Variants in WDR33 observed in about 807,000 individuals in gnomAD.
WDR33 encodes the protein pre-mRNA 3' end processing protein WDR33.
A neutral mutation model predicts 164.9 loss-of-function variants in WDR33; 47 were observed. The observed-to-expected ratio is 0.29, with a 90% CI of 0.23 to 0.36. The LOEUF (loss-of-function observed/expected upper bound fraction) is 0.36. Ranked by LOEUF, WDR33 falls within the 10% of genes least tolerant of loss-of-function variation. WDR33 has a pLI of 1.00. For synonymous variants in WDR33, 505 were observed against 589.0 expected (o/e 0.86, Z 2.06); for missense variants, 1,137 against 1,754.1 (o/e 0.65, Z 6.28).
intron 7 of WDR33, among the ~76,000 whole-genome samples, chr2:127,744,495 C>T (rs924348404): frequency 2.0e-5 from 3 of 152,060 alleles, no homozygotes; most frequent in Non-Finnish European, 4.4e-5. Flanking sequence ...GTATAATCTC[C>T]TTTCATGTAG....
intron 1 of WDR33, among the ~76,000 whole-genome samples, chr2:127,775,206 T>G (rs2105451000): frequency 1.3e-5 from 2 of 152,332 alleles, no homozygotes; most frequent in Admixed American, 1.3e-4. Context: ...AATTTTTTTT[T>G]GAGACGGAGT....
Position 127,764,468 on chromosome 2 carries a change from C to A in WDR33, c.626+360G>T. 1 of 1,463,960 alleles carries A rather than the reference C, an allele frequency of 6.8e-7. No individual in the cohort carries two copies. Among genetic ancestry groups the A allele is most frequent in the South Asian group, 1.5e-5 (1 of 66,026 alleles). The allele number at this position is 1,463,960 out of a possible 1,614,324, so 90.7% of individuals were successfully genotyped here. ...GTAGGCTTTAGATTTTATTCAGTTG[C>A]ATAATTAAAGACTGAATTCTTTATT... On this transcript the variant is annotated intron_variant, in intron 6 of 21. Coordinates refer to ENST00000322313, the MANE Select transcript of WDR33 (RefSeq NM_018383.5). This position sits in a 1 kb window ranked among gnomAD's most constrained non-coding sequence, Gnocchi z 6.2.
At chr2:127,762,792 C>A in intron 7 of WDR33, 3 of 1,222,574 alleles carry the variant, frequency 2.5e-6, no homozygotes, top group South Asian at 2.0e-5. Context: ...GAATACAGCC[C>A]TAAAAGATGC....
chr2:127,798,509 T>C (rs1446717904), intron 1 of WDR33, among the ~76,000 whole-genome samples: 1 of 151,564 alleles, frequency 6.6e-6, no homozygotes, highest in South Asian at 2.1e-4. Flanking sequence ...GATAAAATGA[T>C]AAGCTTAAGC....
chr2:127,722,109 T>C lies in WDR33; in HGVS notation c.1519-121A>G. The C allele has an allele frequency of 8.6e-7, 1 of 1,169,298 alleles. No individual in the cohort carries two copies. The highest frequency in any genetic ancestry group is 1.2e-6 in the Non-Finnish European group (1 of 844,896). 72.4% of individuals were successfully genotyped at this position (1,169,298 alleles called of 1,614,324 possible). ...ACCTCTGAACCGATTTTATTTCTTTTTACCTTTTCTCCATGACTCAAGTAC... is the reference window on the plus strand; with the variant it reads ...ACCTCTGAACCGATTTTATTTCTTTCTACCTTTTCTCCATGACTCAAGTAC... On this transcript the variant is annotated intron_variant, in intron 14 of 21. Transcript: ENST00000322313. The surrounding 1 kb of genome is among the most constrained non-coding windows in gnomAD (Gnocchi z 5.1).
intron 7 of WDR33, among the ~76,000 whole-genome samples, chr2:127,740,143 A>C (rs1022282821): frequency 6.6e-6 from 1 of 152,190 alleles, no homozygotes; most frequent in Non-Finnish European, 1.5e-5. Flanking sequence ...CTACAATGCC[A>C]CCTCCAACAC....
At chr2:127,752,312 C>T (rs905649335) in intron 7 of WDR33, among the ~76,000 whole-genome samples, 6 of 152,178 alleles carry the variant, frequency 3.9e-5, no homozygotes, top group South Asian at 4.1e-4. Flanking sequence ...AGGCACCGGC[C>T]GGGCGCGGTG....
intron 1 of WDR33, among the ~76,000 whole-genome samples, chr2:127,798,483 A>G (rs984023538): frequency 6.6e-6 from 1 of 152,048 alleles, no homozygotes; most frequent in Non-Finnish European, 1.5e-5. Context: ...GAATATTTCA[A>G]ATCTGTCAAT....
intron 1 of WDR33, among the ~76,000 whole-genome samples, chr2:127,774,147 G>C (rs1688105026): frequency 1.3e-5 from 2 of 150,910 alleles, no homozygotes; most frequent in African/African-American, 4.9e-5. Context: ...TGCCTCCCGG[G>C]TTCAAGCAAT....
intron 1 of WDR33, among the ~76,000 whole-genome samples, chr2:127,774,754 C>T (rs533009404): frequency 1.3e-5 from 2 of 151,970 alleles, no homozygotes; most frequent in South Asian, 2.1e-4. Context: ...GGCGTGAACC[C>T]GGGAGGCGGA....
At chr2:127,786,942 G>A (rs1688600638) in intron 1 of WDR33, among the ~76,000 whole-genome samples, 1 of 125,494 alleles carries the variant, frequency 8.0e-6, no homozygotes, top group Non-Finnish European at 1.7e-5. Context: ...ATAGTGGAGG[G>A]AAGGTCAGCA....
chr2:127,780,509 C>A (rs1688335115), intron 1 of WDR33, among the ~76,000 whole-genome samples: 1 of 152,154 alleles, frequency 6.6e-6, no homozygotes, highest in South Asian at 2.1e-4. Context: ...CCTGAAAAAT[C>A]AGGAGAAATT....
At position 127,709,811 on chromosome 2, in the gene WDR33, G is replaced by C. The variant is rs750675504; in HGVS notation, c.3354C>G (p.Pro1118=). Residue 1118 remains proline, a synonymous_variant, in exon 19 of 22, where the codon CCC becomes CCG. Transcript: ENST00000322313. The surrounding 1 kb of genome is among the most constrained non-coding windows in gnomAD (Gnocchi z 5.0). ...GACCAGGAAAACCATCCCTTCCTCT[G>C]GGGGGAGCACGGCCCTCATGCCTCG... ...APPRHEGRAP[P]RGRDGFPGPE... The C allele has an allele frequency of 1.2e-6, 2 of 1,614,010 alleles. No homozygotes were observed. Among genetic ancestry groups the C allele is most frequent in the Admixed American group, 1.7e-5 (1 of 60,000 alleles).
Position 127,770,461 on chromosome 2 carries a change from A to T in WDR33, c.204+317T>A, listed in dbSNP as rs555670446. Among the ~76,000 whole-genome samples, 120 of 152,258 alleles carry T rather than the reference A, an allele frequency of 7.9e-4. No homozygotes were observed. Among genetic ancestry groups the T allele is most frequent in the African/African-American group, 2.7e-3 (112 of 41,564 alleles). On this transcript the variant is annotated intron_variant, in intron 2 of 21. Coordinates refer to ENST00000322313, the MANE Select transcript of WDR33 (RefSeq NM_018383.5). The surrounding 1 kb of genome is among the most constrained non-coding windows in gnomAD (Gnocchi z 4.9). ...TCCCAGCACTTTGGGAGACTGAGGC[A>T]GGTGGATCACCTGAGGTTAGGAGTT...
chr2:127,768,658 A>G (rs1378631576), intron 3 of WDR33, among the ~76,000 whole-genome samples: 2 of 152,188 alleles, frequency 1.3e-5, no homozygotes, highest in African/African-American at 2.4e-5. Flanking sequence ...TAACTTTCCA[A>G]TTACAAGACT....
chr2:127,709,459 G>C lies in WDR33; in HGVS notation c.3565+31C>G, dbSNP rs368186451. 1.2e-6 allele frequency: 2 copies of C among 1,608,784 alleles called. No individual in the cohort carries two copies. Among genetic ancestry groups the C allele is most frequent in the African/African-American group, 2.7e-5 (2 of 74,810 alleles). On this transcript the variant is annotated intron_variant, in intron 20 of 21. Coordinates refer to ENST00000322313, the MANE Select transcript of WDR33 (RefSeq NM_018383.5). The surrounding 1 kb of genome is among the most constrained non-coding windows in gnomAD (Gnocchi z 5.0). Reference sequence around the variant, plus strand: ...AACTCACTTTGTGAACTGCAGTCTAGAGTTACCCAACAAGCGGTTCTTTTC... The same window carrying C: ...AACTCACTTTGTGAACTGCAGTCTACAGTTACCCAACAAGCGGTTCTTTTC...
rs570661834 is a variant in WDR33, at chr2:127,702,057, GTGGCCGCGCTGC to G, written c.*4254_*4265del. The G allele has an allele frequency of 5.7e-3, 6,938 of 1,224,782 alleles. 29 individuals carry two copies. Among genetic ancestry groups the G allele is most frequent in the Non-Finnish European group, 6.1e-3 (5,992 of 985,234 alleles). The allele number at this position is 1,224,782 out of a possible 1,614,324, so 75.9% of individuals were successfully genotyped here. A position where few individuals can be genotyped will look rare whatever the true frequency, so the allele number is the denominator to read the frequency against. ...CACGGTGCTGGGCGCGGGCGCGCAG[GTGGCCGCGCTGC>G]TGGCCGCGCTGGTTGGGCTGCTGCC... On this transcript the variant is annotated 3_prime_UTR_variant, in exon 22 of 22. Transcript: ENST00000322313.
chr2:127,703,167 G>A lies in WDR33; in HGVS notation c.*3156C>T, dbSNP rs1685934615. ...CGTTTTGTCAGTAGCAATACACTAG[G>A]AAGTAAAATATATTTAGAATTTAAA... On this transcript the variant is annotated 3_prime_UTR_variant, in exon 22 of 22. Transcript: ENST00000322313. 1 of 166,998 alleles carries A rather than the reference G, an allele frequency of 6.0e-6. No homozygotes were observed. The highest frequency in any genetic ancestry group is 2.4e-5 in the African/African-American group (1 of 41,418). The allele number at this position is 166,998 out of a possible 1,614,324, so 10.3% of individuals were successfully genotyped here. A position where few individuals can be genotyped will look rare whatever the true frequency, so the allele number is the denominator to read the frequency against.
intron 1 of WDR33, among the ~76,000 whole-genome samples, chr2:127,779,975 A>ATT (rs1201664053): frequency 1.5e-4 from 22 of 142,724 alleles, no homozygotes; most frequent in East Asian, 1.2e-3. Context: ...GGTTTTTTTG[A>ATT]TTTTTTTTTT....
Sources: allele counts gnomAD v4.1 joint callset (sites outside exome capture counted in the v4.1 genomes callset), GRCh38; gene constraint gnomAD v4.1.1; non-coding constraint Gnocchi (gnomAD v3.1); transcripts MANE v1.5; gene names NCBI Gene and HGNC (gene_info 2026-07-23, HGNC 2026-07-21).